The following NLGN1 variants were observed in gnomAD, a reference collection of about 807,000 sequenced individuals.
The protein encoded by NLGN1 is neuroligin 1.
A neutral mutation model predicts 65.5 loss-of-function variants in NLGN1; 12 were observed. The ratio of observed to expected loss-of-function variants is 0.18; its 90% CI spans 0.12 to 0.30. NLGN1 has a LOEUF of 0.30. Ranked by LOEUF, NLGN1 falls within the 10% of genes least tolerant of loss-of-function variation. The probability of loss-of-function intolerance (pLI) is 1.00; values close to 1 mark genes in which losing one functional copy is unlikely to be tolerated. For missense variants in NLGN1, 750 were observed against 1,007.1 expected (o/e 0.74, Z 3.46); for synonymous variants, 350 against 359.5 (o/e 0.97, Z 0.30).
chr3:173,682,036 T>G (rs1764010398), intron 3 of NLGN1, among the ~76,000 whole-genome samples: 2 of 152,212 alleles, frequency 1.3e-5, no homozygotes, highest in Non-Finnish European at 2.9e-5. Flanking sequence ...GTGTTAGAAC[T>G]GATTCGATCA....
intron 4 of NLGN1, among the ~76,000 whole-genome samples, chr3:174,102,261 A>G (rs1032013789): frequency 4.6e-5 from 7 of 151,992 alleles, no homozygotes; most frequent in Non-Finnish European, 5.9e-5. Context: ...ACATTCACAC[A>G]TGGGGGGGTA....
chr3:174,062,540 A>G (rs1266722955), intron 4 of NLGN1, among the ~76,000 whole-genome samples: 3 of 152,036 alleles, frequency 2.0e-5, no homozygotes, highest in Admixed American at 6.6e-5. Context: ...AGTAAATTCA[A>G]TGGCTTGAAC....
intron 4 of NLGN1, among the ~76,000 whole-genome samples, chr3:174,093,820 A>C (rs1034073345): frequency 2.0e-5 from 3 of 152,202 alleles, no homozygotes; most frequent in Non-Finnish European, 4.4e-5. Flanking sequence ...ACAAAGATTG[A>C]GCCTCTTTGC....
chr3:173,962,181 C>G (rs566793586), intron 4 of NLGN1, among the ~76,000 whole-genome samples: 1 of 152,148 alleles, frequency 6.6e-6, no homozygotes, highest in East Asian at 1.9e-4. Flanking sequence ...CTGCCTTCAT[C>G]AAAAGTTGGC....
chr3:173,469,037 A>T (rs1347591868), intron 2 of NLGN1, among the ~76,000 whole-genome samples: 1 of 152,070 alleles, frequency 6.6e-6, no homozygotes, highest in East Asian at 1.9e-4. Flanking sequence ...TTCTGTCTCC[A>T]TCAGAAGTTT....
intron 2 of NLGN1, among the ~76,000 whole-genome samples, chr3:173,461,239 G>T (rs975487625): frequency 6.6e-6 from 1 of 152,098 alleles, no homozygotes; most frequent in African/African-American, 2.4e-5. Flanking sequence ...ACCAAATTCA[G>T]TTAGTGATTT....
intron 2 of NLGN1, among the ~76,000 whole-genome samples, chr3:173,465,451 A>G (rs1376214694): frequency 6.6e-6 from 1 of 152,180 alleles, no homozygotes; most frequent in African/African-American, 2.4e-5. Context: ...CTAGCACACA[A>G]AATTACAAAA....
chr3:173,965,285 C>T (rs1714580901), intron 4 of NLGN1, among the ~76,000 whole-genome samples: 1 of 151,840 alleles, frequency 6.6e-6, no homozygotes, highest in Non-Finnish European at 1.5e-5. Context: ...GTTTTGTTTT[C>T]CTTTTTTTCC....
chr3:173,833,678 C>T (rs1205507825), intron 4 of NLGN1, among the ~76,000 whole-genome samples: 1 of 152,048 alleles, frequency 6.6e-6, no homozygotes, highest in Non-Finnish European at 1.5e-5. Flanking sequence ...ACCACCACAC[C>T]CTGCTAATTT....
chr3:173,399,460 A>G (rs1470157043), intron 1 of NLGN1: 1 of 152,126 alleles, frequency 6.6e-6, no homozygotes, highest in Non-Finnish European at 1.5e-5. Flanking sequence ...TATTTTGTGA[A>G]ATTTTCCACT....
intron 4 of NLGN1, among the ~76,000 whole-genome samples, chr3:173,983,511 C>T (rs1719217552): frequency 6.6e-6 from 1 of 152,066 alleles, no homozygotes; most frequent in African/African-American, 2.4e-5. Flanking sequence ...TTCCTGAGTC[C>T]ATCCCAGACC....
intron 4 of NLGN1, among the ~76,000 whole-genome samples, chr3:174,167,439 T>C (rs1393543177): frequency 6.6e-6 from 1 of 152,138 alleles, no homozygotes; most frequent in Admixed American, 6.6e-5. Flanking sequence ...CTTTCATTTA[T>C]GAAATTAGTT....
chr3:173,865,439 G>A (rs1729946205), intron 4 of NLGN1, among the ~76,000 whole-genome samples: 2 of 152,156 alleles, frequency 1.3e-5, no homozygotes, highest in South Asian at 4.1e-4. Flanking sequence ...AACCAACATT[G>A]ATTGGACATA....
intron 4 of NLGN1, among the ~76,000 whole-genome samples, chr3:174,213,297 T>C (rs1737033665): frequency 6.6e-6 from 1 of 152,228 alleles, no homozygotes; most frequent in South Asian, 2.1e-4. Context: ...ATAGCCATAG[T>C]CAAATGTTTT....
intron 4 of NLGN1, among the ~76,000 whole-genome samples, chr3:174,074,517 A>G (rs934069501): frequency 6.6e-5 from 10 of 152,144 alleles, no homozygotes; most frequent in Admixed American, 4.6e-4. Context: ...TCTTGTTGCA[A>G]ACATATTGAA....
intron 4 of NLGN1, among the ~76,000 whole-genome samples, chr3:174,017,615 AAG>A (rs1472259855): frequency 6.6e-6 from 1 of 152,144 alleles, no homozygotes; most frequent in Admixed American, 6.6e-5. Context: ...AAGACTACAA[AAG>A]AGAGAAATTT....
exon 7 of NLGN1, chr3:174,282,385 T>C (rs1751637421): frequency 6.6e-6 from 1 of 152,196 alleles, no homozygotes; most frequent in Non-Finnish European, 1.5e-5. Flanking sequence ...CTGATTATAG[T>C]TCTGAGTTCT....
At position 173,898,097 on chromosome 3, in the gene NLGN1, A is replaced by G. The variant is rs563211249; in HGVS notation, c.646+90265A>G. 7.2e-5 allele frequency among the ~76,000 whole-genome samples: 11 copies of G among 152,298 alleles called. No individual in the cohort carries two copies. In the East Asian group the frequency reaches 1.7e-3, roughly 24 times the overall value. ...CTTTCACTGACATTTATAAATGGTAATTTCTTTACTTAGGCATCTCCCTAT... is the reference window on the plus strand; with the variant it reads ...CTTTCACTGACATTTATAAATGGTAGTTTCTTTACTTAGGCATCTCCCTAT... On this transcript the variant is annotated intron_variant, in intron 4 of 6. Transcript: ENST00000457714.
At chr3:173,816,398 A>G (rs561507111) in intron 4 of NLGN1, among the ~76,000 whole-genome samples, 43 of 152,360 alleles carry the variant, frequency 2.8e-4, no homozygotes, top group African/African-American at 9.6e-4. Context: ...GCTAAATAGC[A>G]TTCAGTGGTG....
Sources: gnomAD v4.1 joint callset for allele counts (sites outside exome capture counted in the v4.1 genomes callset) on GRCh38, gnomAD v4.1.1 for gene constraint, MANE v1.5 for transcripts, NCBI Gene and HGNC (gene_info 2026-07-23, HGNC 2026-07-21) for gene names.